The following ANXA10 variants were observed in gnomAD, a reference collection of about 807,000 sequenced individuals.
The protein encoded by ANXA10 is annexin A10.
A neutral mutation model predicts 53.5 loss-of-function variants in ANXA10; 49 were observed. That is an observed-to-expected ratio of 0.92 (90% confidence interval 0.73 to 1.16). ANXA10 has a LOEUF of 1.16. Among genes scored for constraint, ANXA10 ranks in the 50% most tolerant of loss-of-function variants. The probability of loss-of-function intolerance (pLI) is 0.00; values close to 1 mark genes in which losing one functional copy is unlikely to be tolerated. For synonymous variants in ANXA10, 131 were observed against 128.9 expected, an observed-to-expected ratio of 1.02 and a Z score of -0.11; for missense variants, 393 against 394.4, an observed-to-expected ratio of 1.00 and a Z score of 0.03.
intron 1 of ANXA10, among the ~76,000 whole-genome samples, chr4:168,102,141 C>T (rs1730650604): frequency 6.6e-6 from 1 of 152,040 alleles, no homozygotes; most frequent in Non-Finnish European, 1.5e-5. Flanking sequence ...TCTAAAGTTA[C>T]TTAGGGCACA....
At chr4:168,173,360 C>A (rs1354237964) in intron 6 of ANXA10, among the ~76,000 whole-genome samples, 1 of 152,084 alleles carries the variant, frequency 6.6e-6, no homozygotes, top group African/African-American at 2.4e-5. Context: ...TATGTCAAAT[C>A]CTGAAGCCAT....
chr4:168,128,011 AC>A, intron 1 of ANXA10, 72 bp from the exon 2 acceptor site: 1 of 1,366,832 alleles, frequency 7.3e-7, no homozygotes, highest in South Asian at 1.2e-5. Context: ...GGTATGAGCC[AC>A]TGTGCCCGGC....
chr4:168,146,000 G>T (rs1187472532), intron 3 of ANXA10, among the ~76,000 whole-genome samples: 2 of 151,480 alleles, frequency 1.3e-5, no homozygotes, highest in Non-Finnish European at 2.9e-5. Context: ...TTGGCTTACT[G>T]CAAACTCTAC....
At chr4:168,185,416 A>T (rs1357914391) in intron 11 of ANXA10, among the ~76,000 whole-genome samples, 1 of 152,206 alleles carries the variant, frequency 6.6e-6, no homozygotes, top group East Asian at 1.9e-4. Context: ...CAGTCAGTCA[A>T]ATATCATAAA....
At chr4:168,162,739 C>T in intron 4 of ANXA10, 98 bp downstream of exon 4, 2 of 867,106 alleles carry the variant, frequency 2.3e-6, no homozygotes, top group South Asian at 2.9e-5. Flanking sequence ...CTTATATGAT[C>T]AAGGAGAGGG....
chr4:168,155,314 A>G (rs1731588887), intron 3 of ANXA10, among the ~76,000 whole-genome samples: 1 of 130,814 alleles, frequency 7.6e-6, no homozygotes, highest in East Asian at 2.0e-4. Context: ...AGTAATATAT[A>G]TATTATATTA....
At chr4:168,174,893 A>T (rs1190802053) in intron 6 of ANXA10, among the ~76,000 whole-genome samples, 2 of 152,198 alleles carry the variant, frequency 1.3e-5, no homozygotes, top group Admixed American at 6.5e-5. Context: ...TCAAGTGGAG[A>T]TGCTGAATTG....
At chr4:168,158,568 A>G (rs1731728306) in intron 3 of ANXA10, among the ~76,000 whole-genome samples, 1 of 152,156 alleles carries the variant, frequency 6.6e-6, no homozygotes, top group African/African-American at 2.4e-5. Flanking sequence ...TTTTAAGTAT[A>G]TAGCTCTAGT....
chr4:168,183,146 T>A (rs1377282877), intron 10 of ANXA10, among the ~76,000 whole-genome samples: 1 of 152,128 alleles, frequency 6.6e-6, no homozygotes, highest in Non-Finnish European at 1.5e-5. Flanking sequence ...TAATCATCAG[T>A]TTTATCCTCA....
At chr4:168,130,943 C>T (rs1045806355) in intron 2 of ANXA10, among the ~76,000 whole-genome samples, 2 of 151,842 alleles carry the variant, frequency 1.3e-5, no homozygotes, top group East Asian at 1.9e-4. Context: ...CCAAAAAAAA[C>T]CAGCTTTTGG....
Position 168,096,911 on chromosome 4 carries a change from C to CATATATATATATATAT in ANXA10, c.18+4196_18+4211dup, listed in dbSNP as rs35451323. Reference sequence around the variant, plus strand: ...TTTGTATCCATTACTAATACAAATGCATATATATATATATATATGTATGTA... The same window carrying CATATATATATATATAT: ...TTTGTATCCATTACTAATACAAATGCATATATATATATATATATATATATATATATATATGTATGTA... On this transcript the variant is annotated intron_variant, in intron 1 of 11. Transcript: ENST00000359299. Among the ~76,000 whole-genome samples, 315 of 109,628 alleles carry CATATATATATATATAT rather than the reference C, an allele frequency of 2.9e-3. 9 individuals carry two copies. The highest frequency in any genetic ancestry group is 0.014 in the African/African-American group (275 of 19,660). The allele number at this position is 109,628 out of a possible 152,430, so 71.9% of individuals were successfully genotyped here.
intron 11 of ANXA10, among the ~76,000 whole-genome samples, chr4:168,185,136 A>G (rs1732343200): frequency 6.6e-6 from 1 of 152,160 alleles, no homozygotes; most frequent in Non-Finnish European, 1.5e-5. Context: ...CCTGGGCAAC[A>G]GAGTGAGACT....
intron 1 of ANXA10, among the ~76,000 whole-genome samples, chr4:168,112,408 T>C (rs1290332259): frequency 6.6e-6 from 1 of 152,218 alleles, no homozygotes. Flanking sequence ...TATGACTATA[T>C]GTAAAGATGT....
intron 1 of ANXA10, among the ~76,000 whole-genome samples, chr4:168,107,971 C>T (rs1310605129): frequency 6.6e-6 from 1 of 152,166 alleles, no homozygotes; most frequent in Non-Finnish European, 1.5e-5. Context: ...AAGTTACTTG[C>T]ACTCACAAAA....
intron 1 of ANXA10, among the ~76,000 whole-genome samples, chr4:168,117,064 G>C (rs1730906289): frequency 6.6e-6 from 1 of 151,554 alleles, no homozygotes; most frequent in African/African-American, 2.4e-5. Flanking sequence ...TCTTAGCCTT[G>C]GCTAATTGTA....
intron 2 of ANXA10, among the ~76,000 whole-genome samples, chr4:168,128,538 C>G (rs547284170): frequency 1.3e-5 from 2 of 152,106 alleles, no homozygotes; most frequent in Non-Finnish European, 2.9e-5. Context: ...TTTCCACTTC[C>G]AGTCAATCAA....
chr4:168,095,753 C>A (rs778105338), intron 1 of ANXA10, among the ~76,000 whole-genome samples: 1 of 152,088 alleles, frequency 6.6e-6, no homozygotes, highest in Non-Finnish European at 1.5e-5. Flanking sequence ...AAATTAAATA[C>A]TTTTCCCAGG....
Position 168,187,430 on chromosome 4 carries a change from A to G in ANXA10, c.971A>G (p.Tyr324Cys), listed in dbSNP as rs1185940182. 1 of 1,585,272 alleles carries G rather than the reference A, an allele frequency of 6.3e-7. No homozygotes were observed. Residue 324 changes from tyrosine (Y) to cysteine (C), a missense_variant, in exon 12 of 12, where the codon TAC becomes TGC. Physicochemically the swap from Tyr to Cys is radical, Grantham distance 194. Transcript: ENST00000359299. The part of the protein sequence containing the change: ...LAICAGDAED[Y>C] ...ATCTGTGCTGGTGATGCTGAGGACT[A>G]CTAAAATGAAGAGGACTTGGAGTAC... is the stretch of plus-strand genomic sequence containing the variant.
intron 1 of ANXA10, 149 bp from the exon 2 acceptor site, chr4:168,127,935 G>A (rs1731098585): frequency 1.7e-6 from 1 of 596,232 alleles, no homozygotes; most frequent in Non-Finnish European, 3.0e-6. Flanking sequence ...TGTTGGCCAG[G>A]TTGGTCTTCA....
Sources: gnomAD v4.1 joint callset for allele counts (sites outside exome capture counted in the v4.1 genomes callset) on GRCh38, gnomAD v4.1.1 for gene constraint, MANE v1.5 for transcripts, NCBI Gene and HGNC (gene_info 2026-07-23, HGNC 2026-07-21) for gene names.